Variants in CSMD2 observed in about 807,000 individuals in gnomAD.
CSMD2 encodes CUB and Sushi multiple domains 2, also known as CUB and sushi domain-containing protein 2.
A neutral mutation model predicts 398.5 loss-of-function variants in CSMD2; 130 were observed. The observed-to-expected ratio is 0.33, with a 90% CI of 0.28 to 0.38. The LOEUF is 0.38. CSMD2 is among the 10% of genes least tolerant of loss of function. CSMD2 has a pLI of 1.00. For missense variants in CSMD2, 3,829 were observed against 4,764.9 expected, an observed-to-expected ratio of 0.80 and a Z score of 5.78; for synonymous variants, 1,828 against 1,908.5, an observed-to-expected ratio of 0.96 and a Z score of 1.10.
chr1:33,868,981 A>C (rs896126992), intron 5 of CSMD2: 1 of 152,210 alleles, frequency 6.6e-6, no homozygotes, highest in Non-Finnish European at 1.5e-5. Flanking sequence ...CAGGGAAGCA[A>C]GTGCAAAGGT....
At position 33,964,044 on chromosome 1, in the gene CSMD2, G is replaced by A. The variant is rs986246360; in HGVS notation, c.518-28090C>T. 2.6e-5 allele frequency among the ~76,000 whole-genome samples: 4 copies of A among 152,314 alleles called. No individual in the cohort carries two copies. The East Asian group carries it at 7.7e-4, about 29-fold the overall frequency. On this transcript the variant is annotated intron_variant, in intron 3 of 70. Transcript: ENST00000373381. ...TTTTGTCTTCTCACCTACAGTGTAC[G>A]AGAGTCTCCCTGAGGGTGCAGATTT...
At position 34,007,906 on chromosome 1, in the gene CSMD2, A is replaced by T. The variant is rs183984915; in HGVS notation, c.517+24688T>A. 6.9e-4 allele frequency among the ~76,000 whole-genome samples: 105 copies of T among 152,316 alleles called. 1 individual carries two copies. The highest frequency in any genetic ancestry group is 2.9e-5 in the Non-Finnish European group (2 of 68,032). On this transcript the variant is annotated intron_variant, in intron 3 of 70. Coordinates refer to ENST00000373381, the MANE Select transcript of CSMD2 (RefSeq NM_001281956.2). Reference sequence around the variant, plus strand: ...ATGTCTCCCATTTTCTTCCATGAACATGTAACACAATCTGTAAAAGCAAGA... The same window carrying T: ...ATGTCTCCCATTTTCTTCCATGAACTTGTAACACAATCTGTAAAAGCAAGA...
chr1:34,056,652 C>T (rs1311554353), intron 2 of CSMD2, among the ~76,000 whole-genome samples: 3 of 152,188 alleles, frequency 2.0e-5, no homozygotes, highest in Non-Finnish European at 4.4e-5. Flanking sequence ...TTGAATGGTA[C>T]TTAGCACAGA....
At chr1:33,849,799 A>G (rs536477178) in intron 5 of CSMD2, among the ~76,000 whole-genome samples, 1 of 151,674 alleles carries the variant, frequency 6.6e-6, no homozygotes, top group Admixed American at 6.6e-5. Context: ...TAGCATCTCC[A>G]AAATATAAGT....
chr1:34,083,295 A>G (rs970846215), intron 2 of CSMD2, among the ~76,000 whole-genome samples: 2 of 152,140 alleles, frequency 1.3e-5, no homozygotes, highest in African/African-American at 4.8e-5. Flanking sequence ...GGGGCCCCCA[A>G]AGAATCTTCT....
chr1:33,625,035 G>T lies in CSMD2; in HGVS notation c.5500+16C>A, dbSNP rs969159954. ...CCGCCCCCCGCACCCTCAACGCCCG[G>T]GTCCTGGTTACTCACCCACACACGT... On this transcript the variant is annotated intron_variant, in intron 34 of 70. Transcript: ENST00000373381. 3.1e-6 allele frequency: 5 copies of T among 1,613,260 alleles called. No individual in the cohort carries two copies. The highest frequency in any genetic ancestry group is 4.2e-6 in the Non-Finnish European group (5 of 1,179,520).
intron 1 of CSMD2, among the ~76,000 whole-genome samples, chr1:34,092,208 T>C (rs552369917): frequency 3.2e-4 from 48 of 152,198 alleles, no homozygotes; most frequent in African/African-American, 8.9e-4. Context: ...GATAAAAAAT[T>C]TGAATAACTG....
chr1:34,112,959 A>G (rs1438343827), intron 1 of CSMD2: 1 of 152,372 alleles, frequency 6.6e-6, no homozygotes, highest in Non-Finnish European at 1.5e-5. Flanking sequence ...ATCTACGGCC[A>G]TACCACCCTG....
chr1:34,013,833 C>T (rs12025252), intron 3 of CSMD2, among the ~76,000 whole-genome samples: 32,093 of 152,004 alleles, frequency 0.21, 4,066 homozygotes, highest in East Asian at 0.57. Context: ...ACAATCTACA[C>T]GCTAAGGATG....
chr1:33,803,988 G>A (rs1006668953), intron 10 of CSMD2, among the ~76,000 whole-genome samples: 1 of 152,208 alleles, frequency 6.6e-6, no homozygotes, highest in Non-Finnish European at 1.5e-5. Flanking sequence ...CTAGAAAGAC[G>A]GGGTTTAAAT....
chr1:33,651,217 C>T (rs973802466), intron 28 of CSMD2, among the ~76,000 whole-genome samples: 3 of 152,048 alleles, frequency 2.0e-5, no homozygotes, highest in African/African-American at 7.2e-5. Flanking sequence ...TAAACCAGGA[C>T]AGGAGCTAGG....
chr1:33,755,952 A>C (rs1261128747), intron 13 of CSMD2, among the ~76,000 whole-genome samples: 3 of 151,918 alleles, frequency 2.0e-5, no homozygotes, highest in Non-Finnish European at 2.9e-5. Context: ...CACCTCTTGG[A>C]CAGGTAGAAC....
chr1:33,788,380 C>T (rs1053521010), intron 12 of CSMD2, among the ~76,000 whole-genome samples: 5 of 151,898 alleles, frequency 3.3e-5, no homozygotes, highest in Non-Finnish European at 2.9e-5. Flanking sequence ...TGTTGGTGTG[C>T]GCCTGTAGTC....
chr1:33,567,991 G>T, intron 52 of CSMD2, 150 bp from the exon 53 acceptor site: 2 of 886,382 alleles, frequency 2.3e-6, no homozygotes, highest in Non-Finnish European at 1.7e-6. Context: ...CAAATCCCAA[G>T]GTTGTACCCC....
intron 15 of CSMD2, among the ~76,000 whole-genome samples, chr1:33,731,575 C>T (rs1156257314): frequency 6.6e-6 from 1 of 152,110 alleles, no homozygotes; most frequent in Non-Finnish European, 1.5e-5. Flanking sequence ...CAGGAGACTC[C>T]TCATTCTGAA....
chr1:33,798,467 G>T (rs1185061050), intron 10 of CSMD2, among the ~76,000 whole-genome samples: 1 of 152,190 alleles, frequency 6.6e-6, no homozygotes, highest in Non-Finnish European at 1.5e-5. Flanking sequence ...GAGATGGAAG[G>T]GGGTCCATAG....
intron 25 of CSMD2, among the ~76,000 whole-genome samples, chr1:33,684,738 A>G (rs967171243): frequency 2.6e-5 from 4 of 152,202 alleles, no homozygotes; most frequent in African/African-American, 7.2e-5. Context: ...TCCACCCTGC[A>G]TGGTGAGCTC....
At chr1:33,621,724 G>C (rs1007767253) in intron 37 of CSMD2, among the ~76,000 whole-genome samples, 3 of 152,188 alleles carry the variant, frequency 2.0e-5, no homozygotes, top group African/African-American at 7.2e-5. Context: ...GATGCCAGAA[G>C]CCAGGATATA....
intron 15 of CSMD2, among the ~76,000 whole-genome samples, chr1:33,733,260 C>T (rs569888262): frequency 1.3e-5 from 2 of 152,290 alleles, no homozygotes; most frequent in South Asian, 4.1e-4. Context: ...CTAGCTCTGC[C>T]TCCCCACTAC....
Sources: allele counts gnomAD v4.1 joint callset (sites outside exome capture counted in the v4.1 genomes callset), GRCh38; gene constraint gnomAD v4.1.1; transcripts MANE v1.5; gene names NCBI Gene and HGNC (gene_info 2026-07-23, HGNC 2026-07-21).